PCDHAC2: variants seen among roughly 807,000 people sequenced by gnomAD.
PCDHAC2 encodes protocadherin alpha subfamily C, 2.
In PCDHAC2, 24 loss-of-function variants were observed where a neutral mutation model predicts 63.3. The ratio of observed to expected loss-of-function variants is 0.38; its 90% confidence interval spans 0.27 to 0.53. The LOEUF (loss-of-function observed/expected upper bound fraction) is 0.53, where lower values mean the gene tolerates loss of function less well. PCDHAC2 is among the 20% of genes least tolerant of loss of function. PCDHAC2 has a pLI of 0.81. For synonymous variants in PCDHAC2, 569 were observed against 529.4 expected (o/e 1.07, Z -1.03); for missense variants, 1,181 against 1,275.2 (o/e 0.93, Z 1.12).
Position 140,968,878 on chromosome 5 carries a change from T to A in PCDHAC2, c.2112T>A (p.Ile704=), listed in dbSNP as rs1554231201. The A allele has an allele frequency of 6.2e-7, 1 of 1,614,244 alleles. No individual in the cohort carries two copies. Among genetic ancestry groups the A allele is most frequent in the South Asian group, 1.1e-5 (1 of 91,084 alleles). The change falls in exon 1 of 4, where the codon ATT becomes ATA. Residue 704 remains isoleucine (I), a synonymous_variant. Transcript: ENST00000289269. The part of the protein sequence containing the change: ...HVKSPRTYSE[I]TLYLIIALST... The stretch of plus-strand genomic sequence containing the variant: ...AGAGCCCTCGGACATACTCTGAAAT[T>A]ACCCTTTATCTAATAATAGCATTAA...
chr5:140,968,150 A>C lies in PCDHAC2; in HGVS notation c.1384A>C (p.Ile462Leu). ...TACACTGAAGGTTGAGATCTCTGAC[A>C]TCAATGACAATCCACCAAGCTTCCT... ...LRTLKVEISD[I>L]NDNPPSFLED... is the part of the protein sequence containing the mutation. The change falls in exon 1 of 4, where the codon ATC becomes CTC. Residue 462 changes from isoleucine (I) to leucine (L), a missense_variant. Transcript: ENST00000289269. 6.2e-7 allele frequency: 1 copy of C among 1,614,180 alleles called. No individual in the cohort carries two copies.
intron 3 of PCDHAC2, among the ~76,000 whole-genome samples, chr5:140,987,478 T>A (rs2097255782): frequency 6.6e-6 from 1 of 152,104 alleles, no homozygotes. Flanking sequence ...AGCTTGGGAG[T>A]CAGTGACCCT....
chr5:141,000,314 A>T (rs2097900305), intron 3 of PCDHAC2, among the ~76,000 whole-genome samples: 1 of 145,492 alleles, frequency 6.9e-6, no homozygotes, highest in East Asian at 2.0e-4. Context: ...GTTCAAGACC[A>T]GCTTGGGCAA....
chr5:140,992,226 G>A lies in PCDHAC2; in HGVS notation c.2713+9663G>A, dbSNP rs926605843. On this transcript the variant is annotated intron_variant, in intron 3 of 3. Coordinates refer to ENST00000289269, the MANE Select transcript of PCDHAC2 (RefSeq NM_018899.6). The stretch of plus-strand genomic sequence containing the variant: ...CAGATAAACTACTCTCCCTTCCTGG[G>A]AAGAGTAAGGAAGGAAGTAGAGCTA... Among the ~76,000 whole-genome samples the A allele has an allele frequency of 5.3e-5, 8 of 152,256 alleles. No individual in the cohort carries two copies. The East Asian group carries it at 1.5e-3, about 29-fold the overall frequency.
rs782208487 is a variant in PCDHAC2 at position 140,968,704 on chromosome 5, G to A, written c.1938G>A (p.Arg646=). The change falls in exon 1 of 4, where the codon AGG becomes AGA. Residue 646 remains arginine, a synonymous_variant. Coordinates refer to ENST00000289269, the MANE Select transcript of PCDHAC2 (RefSeq NM_018899.6). ...ACACAGGAGAAATTAGGACTACCAG[G>A]AAGATGGGAGATGAGAGTGGTAGCA... ...ELHTGEIRTT[R]KMGDESGSTF... is the part of the protein sequence containing the mutation. The A allele has an allele frequency of 3.7e-6, 6 of 1,614,002 alleles. No homozygotes were observed. The highest frequency in any genetic ancestry group is 1.7e-5 in the Admixed American group (1 of 59,996).
chr5:141,009,992 C>G lies in PCDHAC2; in HGVS notation c.*55C>G. 1 of 1,578,492 alleles carries G rather than the reference C, an allele frequency of 6.3e-7. No homozygotes were observed. On this transcript the variant is annotated 3_prime_UTR_variant, in exon 4 of 4. Transcript: ENST00000289269. ...CAGTTTTTGTAATAATGGCAAATCT[C>G]TCCCATGTAGCAATTCCCTGCTCCT...
At position 140,979,027 on chromosome 5, in the gene PCDHAC2, T is replaced by C. The variant is rs782016038; in HGVS notation, c.2624+20T>C. ...GCACAGGTATGTATTTCCCTCCTCA[T>C]TCACTCAGAAGTAACCTTAACTTGG... On this transcript the variant is annotated intron_variant, in intron 2 of 3. Coordinates refer to ENST00000289269, the MANE Select transcript of PCDHAC2 (RefSeq NM_018899.6). The C allele has an allele frequency of 3.5e-5, 57 of 1,613,492 alleles. No homozygotes were observed. Among genetic ancestry groups the C allele is most frequent in the Non-Finnish European group, 4.4e-5 (52 of 1,179,754 alleles).
At position 140,967,515 on chromosome 5, in the gene PCDHAC2, C is replaced by G; in HGVS notation, c.749C>G (p.Thr250Ser). Residue 250 changes from threonine (T) to serine (S), a missense_variant, in exon 1 of 4, where the codon ACT (threonine) becomes AGT (serine). This residue lies in a region of PCDHAC2 where 968 missense variants were observed against 1,073.5 expected (regional missense o/e 0.90). Transcript: ENST00000289269. ...CAGATCTCTGTGCGTGTCCTGGACA[C>G]TAACGACAACTCTCCTGCCTTTGAC... The part of the protein sequence containing the change: ...TAQISVRVLD[T>S]NDNSPAFDQS... The G allele has an allele frequency of 6.2e-7, 1 of 1,612,792 alleles. No homozygotes were observed. Among genetic ancestry groups the G allele is most frequent in the Non-Finnish European group, 8.5e-7 (1 of 1,179,048 alleles).
At chr5:140,970,252 T>G (rs2096392828) in intron 1 of PCDHAC2, among the ~76,000 whole-genome samples, 1 of 152,234 alleles carries the variant, frequency 6.6e-6, no homozygotes, top group South Asian at 2.1e-4. Flanking sequence ...GTTGACAGTT[T>G]CTATGGTTTT....
intron 2 of PCDHAC2, among the ~76,000 whole-genome samples, chr5:140,981,993 G>A (rs533430599): frequency 6.6e-6 from 1 of 152,272 alleles, no homozygotes; most frequent in Admixed American, 6.5e-5. Flanking sequence ...TAGAAAATAA[G>A]GTTAAGAATT....
chr5:141,010,105 G>A lies in PCDHAC2; in HGVS notation c.*168G>A. 6.2e-7 allele frequency: 1 copy of A among 1,612,150 alleles called. No homozygotes were observed. Among genetic ancestry groups the A allele is most frequent in the African/African-American group, 1.3e-5 (1 of 74,962 alleles). The stretch of plus-strand genomic sequence containing the variant: ...GTCTAGAACGCATTTAACAGGTTTT[G>A]TCGTAAAAGCTTTACTAAGTCTGGT... On this transcript the variant is annotated 3_prime_UTR_variant, in exon 4 of 4. Transcript: ENST00000289269.
At chr5:141,001,885 A>C (rs1462586962) in intron 3 of PCDHAC2, among the ~76,000 whole-genome samples, 2 of 152,228 alleles carry the variant, frequency 1.3e-5, no homozygotes, top group African/African-American at 2.4e-5. Context: ...GAAGGAGCAA[A>C]GAAATCGGGG....
chr5:141,009,597 G>A (rs1284925593), intron 3 of PCDHAC2, 30 bp from the exon 4 acceptor site: 1 of 1,605,790 alleles, frequency 6.2e-7, no homozygotes, highest in Non-Finnish European at 8.5e-7. Flanking sequence ...TGTTGACCCT[G>A]TTAATGATTT....
At chr5:140,988,348 A>T (rs2097293800) in intron 3 of PCDHAC2, among the ~76,000 whole-genome samples, 1 of 152,116 alleles carries the variant, frequency 6.6e-6, no homozygotes, top group Admixed American at 6.6e-5. Flanking sequence ...TCCTTTTAAG[A>T]TGCACTTTTA....
chr5:140,971,386 G>A (rs1413710321), intron 1 of PCDHAC2, among the ~76,000 whole-genome samples: 1 of 152,140 alleles, frequency 6.6e-6, no homozygotes, highest in East Asian at 1.9e-4. Flanking sequence ...CTTTAATAAA[G>A]GCAAATTTCT....
chr5:140,993,406 T>G (rs1382987714), intron 3 of PCDHAC2, among the ~76,000 whole-genome samples: 2 of 150,884 alleles, frequency 1.3e-5, no homozygotes, highest in Non-Finnish European at 2.9e-5. Context: ...TTAACCACCT[T>G]CATCAGCATT....
At chr5:141,001,289 TGAGGCCCA>T (rs1387793441) in intron 3 of PCDHAC2, among the ~76,000 whole-genome samples, 1 of 152,150 alleles carries the variant, frequency 6.6e-6, no homozygotes, top group Non-Finnish European at 1.5e-5. Context: ...GGATGAAAAC[TGAGGCCCA>T]GAGATATGAA....
intron 3 of PCDHAC2, among the ~76,000 whole-genome samples, chr5:140,993,460 T>TCA (rs1554253699): frequency 1.6e-3 from 169 of 104,560 alleles, no homozygotes; most frequent in African/African-American, 3.8e-3. Flanking sequence ...CTTCTTTCTT[T>TCA]CTCACACACA....
chr5:140,978,457 C>G (rs1223652568), intron 1 of PCDHAC2, among the ~76,000 whole-genome samples: 1 of 152,182 alleles, frequency 6.6e-6, no homozygotes, highest in Non-Finnish European at 1.5e-5. Context: ...GCACATCCGC[C>G]CTGGGTCAAA....
Sources: gnomAD v4.1 joint callset for allele counts (sites outside exome capture counted in the v4.1 genomes callset) on GRCh38, gnomAD v4.1.1 for gene constraint, gnomAD v4.1.1 regional missense constraint, MANE v1.5 for transcripts, NCBI Gene and HGNC (gene_info 2026-07-23, HGNC 2026-07-21) for gene names.